TAF1B: variants seen among roughly 807,000 people sequenced by gnomAD.
TAF1B encodes TATA-box binding protein associated factor, RNA polymerase I subunit B.
Under a neutral mutation model 83.9 loss-of-function variants are expected in TAF1B, and 61 were observed. The ratio of observed to expected loss-of-function variants is 0.73; its 90% CI spans 0.59 to 0.90. The LOEUF (loss-of-function observed/expected upper bound fraction) is 0.90. Among genes scored for constraint, TAF1B ranks in the 40% least tolerant of loss-of-function variants. The probability of loss-of-function intolerance (pLI) is 0.00; values close to 1 mark genes in which losing one functional copy is unlikely to be tolerated. For missense variants in TAF1B, 625 were observed against 677.0 expected (o/e 0.92, Z 0.85); for synonymous variants, 221 against 224.6 (o/e 0.98, Z 0.14).
chr2:9,849,309 C>A (rs1663306120), intron 2 of TAF1B, 64 bp from the exon 3 acceptor site: 2 of 1,278,956 alleles, frequency 1.6e-6, no homozygotes, highest in East Asian at 2.6e-5. Context: ...CAGAAAATAC[C>A]TGGAAAAATG....
At chr2:9,906,052 C>A (rs957827908) in intron 9 of TAF1B, among the ~76,000 whole-genome samples, 3 of 145,492 alleles carry the variant, frequency 2.1e-5, no homozygotes, top group Non-Finnish European at 4.6e-5. Flanking sequence ...TTTTTTTTTT[C>A]TTTCTGCTTC....
At chr2:9,894,694 T>C (rs961423913) in intron 8 of TAF1B, among the ~76,000 whole-genome samples, 5 of 152,174 alleles carry the variant, frequency 3.3e-5, no homozygotes, top group African/African-American at 2.4e-5. Context: ...GTACCCAGTA[T>C]ACCTGGGGCT....
At chr2:9,856,820 T>A (rs1045541020) in intron 5 of TAF1B, among the ~76,000 whole-genome samples, 30 of 152,340 alleles carry the variant, frequency 2.0e-4, no homozygotes, top group African/African-American at 7.0e-4. Flanking sequence ...ATGTATGAAT[T>A]AGTAAGGTAA....
At chr2:9,924,284 T>C (rs962765767) in intron 14 of TAF1B, among the ~76,000 whole-genome samples, 1 of 152,136 alleles carries the variant, frequency 6.6e-6, no homozygotes, top group African/African-American at 2.4e-5. Context: ...GAGAGCCCCT[T>C]AGCCCCTCGC....
rs756129436 is a variant in TAF1B at position 9,904,847 on chromosome 2, C to G, written c.808-12C>G. 1.2e-6 allele frequency: 2 copies of G among 1,606,162 alleles called. No individual in the cohort carries two copies. Among genetic ancestry groups the G allele is most frequent in the Non-Finnish European group, 1.7e-6 (2 of 1,174,676 alleles). The stretch of plus-strand genomic sequence containing the variant: ...AAAAATTGCAACTATGATGGTCTCT[C>G]TTTTATTTCAGTCTTGGCCTGACTA... On this transcript the variant is annotated splice_polypyrimidine_tract_variant and intron_variant, in intron 8 of 14. Transcript: ENST00000263663.
At chr2:9,916,834 G>GTTGTTTTTTT (rs1572282272) in intron 12 of TAF1B, among the ~76,000 whole-genome samples, 2 of 44,848 alleles carry the variant, frequency 4.5e-5, no homozygotes, top group African/African-American at 9.1e-5. Context: ...TTTCCTTTCT[G>GTTGTTTTTTT]TTCTTTTTTT....
At chr2:9,850,072 A>T (rs904505319) in intron 3 of TAF1B, among the ~76,000 whole-genome samples, 1 of 151,658 alleles carries the variant, frequency 6.6e-6, no homozygotes, top group African/African-American at 2.4e-5. Flanking sequence ...AAATATGTGA[A>T]ATACACCGAC....
At chr2:9,854,716 G>C (rs996323805) in intron 5 of TAF1B, among the ~76,000 whole-genome samples, 3 of 152,158 alleles carry the variant, frequency 2.0e-5, no homozygotes, top group African/African-American at 7.2e-5. Context: ...TTCTATCACT[G>C]TACTATTAAA....
At chr2:9,933,675 C>A in intron 14 of TAF1B, 108 bp from the exon 15 acceptor site, 1 of 913,100 alleles carries the variant, frequency 1.1e-6, no homozygotes, top group Non-Finnish European at 1.6e-6. Flanking sequence ...CTGTTTTAAG[C>A]CTAACCATAT....
In TAF1B at chr2:9,873,257, C is replaced by T. The variant is rs182498205; in HGVS notation, c.554-2608C>T. On this transcript the variant is annotated intron_variant, in intron 6 of 14. Transcript: ENST00000263663. ...GTAGTAGGAGGAGATAGGCAATAAA[C>T]GACCAAATAAAGAACATTTTAGTCA... 4.5e-3 allele frequency among the ~76,000 whole-genome samples: 681 copies of T among 152,224 alleles called. 7 individuals carry two copies. Among genetic ancestry groups the T allele is most frequent in the African/African-American group, 0.014 (577 of 41,524 alleles).
chr2:9,901,423 A>C (rs915282994), intron 8 of TAF1B, among the ~76,000 whole-genome samples: 3 of 152,172 alleles, frequency 2.0e-5, no homozygotes, highest in Non-Finnish European at 4.4e-5. Flanking sequence ...CCAGATGTTG[A>C]CTTTCATGTA....
intron 9 of TAF1B, among the ~76,000 whole-genome samples, chr2:9,908,025 A>ATTTTTTTTT (rs1665400435): frequency 9.9e-6 from 1 of 100,934 alleles, no homozygotes; most frequent in South Asian, 3.3e-4. Context: ...CAAGATCTTA[A>ATTTTTTTTT]TTCTTTTTTT....
chr2:9,905,977 C>T (rs1317429673), intron 9 of TAF1B, among the ~76,000 whole-genome samples: 11 of 151,962 alleles, frequency 7.2e-5, no homozygotes, highest in Admixed American at 7.2e-4. Context: ...TTTAAGATTC[C>T]AGAATTTGGA....
chr2:9,871,329 A>G (rs1328831752), intron 6 of TAF1B, among the ~76,000 whole-genome samples: 1 of 151,864 alleles, frequency 6.6e-6, no homozygotes, highest in Non-Finnish European at 1.5e-5. Context: ...TGATCTGCCC[A>G]CCTCGGCCTC....
At chr2:9,892,973 G>A (rs1031025652) in intron 8 of TAF1B, among the ~76,000 whole-genome samples, 1 of 152,108 alleles carries the variant, frequency 6.6e-6, no homozygotes, top group South Asian at 2.1e-4. Flanking sequence ...GGGTAAAAAA[G>A]CAGAGAGACT....
intron 8 of TAF1B, among the ~76,000 whole-genome samples, chr2:9,890,503 C>G (rs1018116565): frequency 6.6e-6 from 1 of 152,056 alleles, no homozygotes; most frequent in African/African-American, 2.4e-5. Context: ...AAATTGTAGT[C>G]TCTGTTCATG....
intron 7 of TAF1B, among the ~76,000 whole-genome samples, chr2:9,880,426 C>CTTTTTTT (rs6146620): frequency 1.1e-3 from 84 of 75,024 alleles, no homozygotes; most frequent in East Asian, 1.6e-3. Flanking sequence ...GAGTAAGCAG[C>CTTTTTTT]TTTTTTTTTT....
At chr2:9,848,030 A>AT (rs1435758094) in intron 2 of TAF1B, among the ~76,000 whole-genome samples, 1 of 151,976 alleles carries the variant, frequency 6.6e-6, no homozygotes, top group Non-Finnish European at 1.5e-5. Flanking sequence ...TGGATGTTTC[A>AT]TTTTTTCAGG....
intron 6 of TAF1B, among the ~76,000 whole-genome samples, chr2:9,871,189 C>T (rs1664157812): frequency 6.6e-6 from 1 of 152,152 alleles, no homozygotes; most frequent in African/African-American, 2.4e-5. Context: ...ATGCCATTCT[C>T]CTGTCTCATC....
Sources: allele counts gnomAD v4.1 joint callset (sites outside exome capture counted in the v4.1 genomes callset), GRCh38; gene constraint gnomAD v4.1.1; transcripts MANE v1.5; gene names NCBI Gene and HGNC (gene_info 2026-07-23, HGNC 2026-07-21).